SMOC2: variants seen among roughly 807,000 people sequenced by gnomAD.
SMOC2 encodes SPARC related modular calcium binding 2, also known as SPARC-related modular calcium-binding protein 2.
In SMOC2, 39 loss-of-function variants were observed where a neutral mutation model predicts 61.4. That is an observed-to-expected ratio of 0.64 (90% CI 0.49 to 0.83). SMOC2 has a LOEUF of 0.83. SMOC2 is among the 40% of genes least tolerant of loss of function. The pLI, the probability that SMOC2 is intolerant of heterozygous loss-of-function variation, is 0.00. For synonymous variants in SMOC2, 247 were observed against 239.9 expected, an observed-to-expected ratio of 1.03 and a Z score of -0.27; for missense variants, 556 against 592.9, an observed-to-expected ratio of 0.94 and a Z score of 0.65.
chr6:168,508,636 C>CTGGT (rs760946515), intron 1 of SMOC2, among the ~76,000 whole-genome samples: 17 of 152,220 alleles, frequency 1.1e-4, no homozygotes, highest in Non-Finnish European at 1.5e-4. Context: ...TCCTCTCTTA[C>CTGGT]TGGTAAAGGA....
In SMOC2 at chr6:168,526,423, G is replaced by A. The variant is rs1194721000; in HGVS notation, c.334G>A (p.Glu112Lys). The change falls in exon 3 of 13, where the codon GAG (glutamate) becomes AAG (lysine). Residue 112 changes from glutamate (E) to lysine (K), a missense_variant. Coordinates refer to ENST00000356284, the MANE Select transcript of SMOC2 (RefSeq NM_001166412.2). ...RKEFQQVFIP[E>K]CNDDGTYSQV... ...GGAGTTTCAGCAAGTGTTCATTCCT[G>A]AGTGCAATGACGACGGCACCTACAG... The A allele has an allele frequency of 6.2e-7, 1 of 1,614,164 alleles. No individual in the cohort carries two copies. Among genetic ancestry groups the A allele is most frequent in the African/African-American group, 1.3e-5 (1 of 75,030 alleles).
In SMOC2 at chr6:168,510,047, G is replaced by A; in HGVS notation, c.217G>A (p.Asp73Asn). The A allele has an allele frequency of 3.1e-6, 5 of 1,614,200 alleles. No homozygotes were observed. The highest frequency in any genetic ancestry group is 3.4e-6 in the Non-Finnish European group (4 of 1,180,048). Residue 73 changes from aspartate (D) to asparagine (N), a missense_variant, in exon 2 of 13, where the codon GAT becomes AAT. Physicochemically the swap from Asp to Asn is conservative, Grantham distance 23. Coordinates refer to ENST00000356284, the MANE Select transcript of SMOC2 (RefSeq NM_001166412.2). ...TGAATTTCAACGTGCCAAGTGCAAA[G>A]ATCCCCAGCTAGAGATTGCATATCG... ...RCEFQRAKCK[D>N]PQLEIAYRGN...
intron 1 of SMOC2, among the ~76,000 whole-genome samples, chr6:168,508,164 T>C (rs976625084): frequency 1.3e-5 from 2 of 152,222 alleles, no homozygotes; most frequent in Admixed American, 1.3e-4. Context: ...TTTTGGCTAA[T>C]CTCTGTTTTT....
At chr6:168,646,887 G>A (rs1363545908) in intron 9 of SMOC2, among the ~76,000 whole-genome samples, 4 of 152,200 alleles carry the variant, frequency 2.6e-5, no homozygotes, top group Non-Finnish European at 5.9e-5. Flanking sequence ...GGATACTTGG[G>A]CTAAGCTACT....
intron 1 of SMOC2, among the ~76,000 whole-genome samples, chr6:168,465,576 G>A (rs1415293178): frequency 2.0e-5 from 3 of 152,124 alleles, no homozygotes; most frequent in Non-Finnish European, 4.4e-5. Flanking sequence ...TGTTAAAAAT[G>A]CTACTTCTTT....
At chr6:168,652,680 A>G (rs1176173267) in intron 10 of SMOC2, among the ~76,000 whole-genome samples, 1 of 152,246 alleles carries the variant, frequency 6.6e-6, no homozygotes, top group Non-Finnish European at 1.5e-5. Context: ...CACAGAAGCC[A>G]GGATAAGGGG....
At position 168,498,711 on chromosome 6, in the gene SMOC2, G is replaced by A. The variant is rs557749359; in HGVS notation, c.85-11204G>A. ...AAACCCTGGGTCCTCCCAGCCCTAC[G>A]AGTCAGAGTCTCTGGGGGGATGGCC... On this transcript the variant is annotated intron_variant, in intron 1 of 12. Transcript: ENST00000356284. 5.2e-3 allele frequency among the ~76,000 whole-genome samples: 774 copies of A among 147,942 alleles called. 1 individual carries two copies. The highest frequency in any genetic ancestry group is 0.018 in the African/African-American group (723 of 39,508).
intron 2 of SMOC2, among the ~76,000 whole-genome samples, chr6:168,519,128 T>C (rs1188655579): frequency 1.3e-5 from 2 of 151,196 alleles, no homozygotes; most frequent in Non-Finnish European, 3.0e-5. Context: ...TGCATGCATG[T>C]GTATGTGTGC....
At chr6:168,542,539 G>A (rs1783895176) in intron 4 of SMOC2, among the ~76,000 whole-genome samples, 1 of 152,190 alleles carries the variant, frequency 6.6e-6, no homozygotes, top group East Asian at 1.9e-4. Context: ...GCTTTCTGAA[G>A]TCAGCATTGT....
At chr6:168,633,450 G>A (rs1403460330) in intron 9 of SMOC2, among the ~76,000 whole-genome samples, 1 of 152,036 alleles carries the variant, frequency 6.6e-6, no homozygotes, top group Non-Finnish European at 1.5e-5. Context: ...TTTGCCACAT[G>A]GACTCCAGAG....
At chr6:168,633,780 G>A (rs1254382496) in intron 9 of SMOC2, among the ~76,000 whole-genome samples, 1 of 152,138 alleles carries the variant, frequency 6.6e-6, no homozygotes, top group Non-Finnish European at 1.5e-5. Context: ...AGAGTATGTG[G>A]TTATGGCACG....
At chr6:168,496,890 A>C (rs1782603367) in intron 1 of SMOC2, among the ~76,000 whole-genome samples, 1 of 152,230 alleles carries the variant, frequency 6.6e-6, no homozygotes. Flanking sequence ...TCGAAAATTC[A>C]AAGAATCTGT....
At chr6:168,489,450 T>C (rs1029377415) in intron 1 of SMOC2, among the ~76,000 whole-genome samples, 5 of 151,554 alleles carry the variant, frequency 3.3e-5, no homozygotes, top group African/African-American at 1.2e-4. Context: ...GAGTGAAATA[T>C]ATTGAATCGT....
rs1383015164 is a variant in SMOC2, at chr6:168,473,394, C to T, written c.84+31940C>T. ...TGCTCAGGTCCTTTCCCTGCAGCAC[C>T]GCCCTTACCTGCCACCTGTGTGCCC... On this transcript the variant is annotated intron_variant, in intron 1 of 12. Transcript: ENST00000356284. Among the ~76,000 whole-genome samples, 6 of 152,318 alleles carry T rather than the reference C, an allele frequency of 3.9e-5. 1 individual carries two copies. The highest frequency in any genetic ancestry group is 1.9e-4 in the East Asian group (1 of 5,188).
intron 1 of SMOC2, among the ~76,000 whole-genome samples, chr6:168,501,798 T>A (rs1782736451): frequency 6.6e-6 from 1 of 152,220 alleles, no homozygotes; most frequent in Non-Finnish European, 1.5e-5. Context: ...TGTGTGTGCA[T>A]CCTGAGAGGT....
chr6:168,481,522 G>A (rs1384203906), intron 1 of SMOC2, among the ~76,000 whole-genome samples: 1 of 151,964 alleles, frequency 6.6e-6, no homozygotes, highest in Non-Finnish European at 1.5e-5. Flanking sequence ...GAGTATATAT[G>A]AAAGGAAGTG....
intron 2 of SMOC2, among the ~76,000 whole-genome samples, chr6:168,518,584 TG>T (rs1783213945): frequency 7.3e-6 from 1 of 136,938 alleles, no homozygotes; most frequent in Non-Finnish European, 1.6e-5. Flanking sequence ...AATGCATGTA[TG>T]TGTGTGAATG....
At chr6:168,619,730 G>A (rs1312066766) in intron 9 of SMOC2, among the ~76,000 whole-genome samples, 1 of 152,180 alleles carries the variant, frequency 6.6e-6, no homozygotes, top group Non-Finnish European at 1.5e-5. Flanking sequence ...TCCTGAAAGC[G>A]CCCTTCTTTC....
At chr6:168,606,300 G>A (rs1785687762) in intron 8 of SMOC2, among the ~76,000 whole-genome samples, 1 of 152,148 alleles carries the variant, frequency 6.6e-6, no homozygotes, top group Non-Finnish European at 1.5e-5. Flanking sequence ...TGAGTTAATG[G>A]CTTTCAGTTA....
Sources: gnomAD v4.1 joint callset for allele counts (sites outside exome capture counted in the v4.1 genomes callset) on GRCh38, gnomAD v4.1.1 for gene constraint, MANE v1.5 for transcripts, NCBI Gene and HGNC (gene_info 2026-07-23, HGNC 2026-07-21) for gene names.